The following STXBP5 variants were observed in gnomAD, a reference collection of about 807,000 sequenced individuals.
STXBP5 encodes syntaxin-binding protein 5.
STXBP5 carries 50 observed loss-of-function variants against 152.4 expected under a neutral mutation model. That is an observed-to-expected ratio of 0.33 (90% CI 0.26 to 0.42). STXBP5 has a LOEUF of 0.42. STXBP5 is among the 10% of genes least tolerant of loss of function. STXBP5 has a pLI of 1.00. For missense variants in STXBP5, 1,167 were observed against 1,388.6 expected, an observed-to-expected ratio of 0.84 and a Z score of 2.54; for synonymous variants, 492 against 494.7, an observed-to-expected ratio of 0.99 and a Z score of 0.07.
At chr6:147,315,456 T>A in intron 14 of STXBP5, 59 bp from the exon 15 acceptor site, 1 of 1,176,732 alleles carries the variant, frequency 8.5e-7, no homozygotes, top group Non-Finnish European at 1.2e-6. Context: ...TGATTAAATG[T>A]TACCTTATGT....
At chr6:147,339,154 C>T in intron 19 of STXBP5, 25 bp from the exon 20 acceptor site, 2 of 1,525,576 alleles carry the variant, frequency 1.3e-6, no homozygotes. Context: ...TCTACCTATT[C>T]CTTCCGTTGT....
At chr6:147,328,496 G>A (rs1465131194) in intron 18 of STXBP5, among the ~76,000 whole-genome samples, 2 of 152,152 alleles carry the variant, frequency 1.3e-5, no homozygotes, top group Non-Finnish European at 2.9e-5. Flanking sequence ...TACAATTCAT[G>A]GGGGGTAGAA....
At chr6:147,328,657 T>G (rs1783396512) in intron 18 of STXBP5, 1 of 466,172 alleles carries the variant, frequency 2.1e-6, no homozygotes, top group African/African-American at 2.0e-5. Context: ...TCTAGTATTT[T>G]TGTCTCCTTT....
At position 147,370,351 on chromosome 6, in the gene STXBP5, G is replaced by A. The variant is rs74569498; in HGVS notation, c.3082-3380G>A. Among the ~76,000 whole-genome samples, 1,119 of 152,094 alleles carry A rather than the reference G, an allele frequency of 7.4e-3. 14 individuals carry two copies. The highest frequency in any genetic ancestry group is 0.026 in the African/African-American group (1,059 of 41,528). On this transcript the variant is annotated intron_variant, in intron 25 of 27. Transcript: ENST00000321680. ...GGTTTCATGCATATATGCATATGGCGAAATTCACCAAATTGTACACCTCAA... is the reference window on the plus strand; with the variant it reads ...GGTTTCATGCATATATGCATATGGCAAAATTCACCAAATTGTACACCTCAA...
intron 7 of STXBP5, among the ~76,000 whole-genome samples, chr6:147,273,605 T>C (rs1340193767): frequency 6.6e-6 from 1 of 152,160 alleles, no homozygotes; most frequent in African/African-American, 2.4e-5. Context: ...TAATTTGTGC[T>C]TTGCTAGCTC....
chr6:147,350,556 T>G (rs1300190232), intron 21 of STXBP5, among the ~76,000 whole-genome samples: 3 of 152,178 alleles, frequency 2.0e-5, no homozygotes, highest in African/African-American at 7.2e-5. Context: ...ATATATTTAG[T>G]TTTTGAAATG....
intron 2 of STXBP5, among the ~76,000 whole-genome samples, chr6:147,223,936 T>TA (rs536696580): frequency 3.2e-4 from 48 of 152,308 alleles, no homozygotes; most frequent in African/African-American, 1.0e-3. Flanking sequence ...CATGAGGAAA[T>TA]ACACTGCCTT....
chr6:147,259,123 AAT>A (rs2115330271), intron 4 of STXBP5, among the ~76,000 whole-genome samples: 1 of 152,282 alleles, frequency 6.6e-6, no homozygotes, highest in Non-Finnish European at 1.5e-5. Context: ...TTTTTAAAAA[AAT>A]ATATGAGTCA....
At chr6:147,343,699 A>G (rs972584760) in intron 21 of STXBP5, among the ~76,000 whole-genome samples, 1 of 152,214 alleles carries the variant, frequency 6.6e-6, no homozygotes, top group African/African-American at 2.4e-5. Flanking sequence ...TTAAAAAATA[A>G]ATTCACAAAG....
chr6:147,227,022 T>G (rs933348459), intron 2 of STXBP5, among the ~76,000 whole-genome samples: 1 of 152,078 alleles, frequency 6.6e-6, no homozygotes, highest in African/African-American at 2.4e-5. Flanking sequence ...TGACAGCAGG[T>G]AGGGTTAGAA....
chr6:147,324,219 C>T (rs979177041), intron 16 of STXBP5, among the ~76,000 whole-genome samples: 5 of 125,814 alleles, frequency 4.0e-5, no homozygotes, highest in Admixed American at 7.9e-5. Context: ...GACAGTTTTT[C>T]GTTATGTTAC....
chr6:147,308,326 T>C (rs1782199629), intron 9 of STXBP5, among the ~76,000 whole-genome samples: 2 of 152,200 alleles, frequency 1.3e-5, no homozygotes, highest in African/African-American at 4.8e-5. Flanking sequence ...TGGATATGGT[T>C]CTATTTAGGA....
chr6:147,297,238 A>G (rs960810948), intron 9 of STXBP5, among the ~76,000 whole-genome samples: 2 of 152,208 alleles, frequency 1.3e-5, no homozygotes, highest in Admixed American at 6.5e-5. Flanking sequence ...GGGTATCTTC[A>G]TTAGATTATC....
rs1786330381 is a variant in STXBP5, at chr6:147,386,185, A to C, written c.*1430A>C. ...TTATTGATTGTTGTTAAAGCAACCC[A>C]GCAAAAGCAAAATGGAAGCATTAAA... On this transcript the variant is annotated 3_prime_UTR_variant, in exon 28 of 28. Coordinates refer to ENST00000321680, the MANE Select transcript of STXBP5 (RefSeq NM_001127715.4). The C allele has an allele frequency of 6.6e-6, 1 of 151,974 alleles. No individual in the cohort carries two copies. Among genetic ancestry groups the C allele is most frequent in the Non-Finnish European group, 1.5e-5 (1 of 67,906 alleles). The allele number at this position is 151,974 out of a possible 1,614,324, so 9.4% of individuals were successfully genotyped here. A position where few individuals can be genotyped will look rare whatever the true frequency, so the allele number is the denominator to read the frequency against.
chr6:147,303,623 G>T (rs1781939273), intron 9 of STXBP5, among the ~76,000 whole-genome samples: 1 of 152,188 alleles, frequency 6.6e-6, no homozygotes, highest in South Asian at 2.1e-4. Flanking sequence ...CAGTTTGGAG[G>T]GTTCGGAAGA....
chr6:147,250,701 G>T (rs1779042076), intron 4 of STXBP5, among the ~76,000 whole-genome samples: 1 of 151,988 alleles, frequency 6.6e-6, no homozygotes, highest in Admixed American at 6.6e-5. Context: ...CTAGGACAAA[G>T]AAATTAATAG....
chr6:147,323,074 G>A (rs140832563), intron 16 of STXBP5, among the ~76,000 whole-genome samples: 12 of 145,888 alleles, frequency 8.2e-5, no homozygotes, highest in African/African-American at 2.8e-4. Context: ...CCTTCCTTCT[G>A]TCTGATTGTA....
intron 3 of STXBP5, among the ~76,000 whole-genome samples, chr6:147,238,666 T>A (rs1226938536): frequency 6.6e-6 from 1 of 152,194 alleles, no homozygotes; most frequent in Non-Finnish European, 1.5e-5. Flanking sequence ...ATTTCAAACC[T>A]TCAGACATGG....
intron 6 of STXBP5, among the ~76,000 whole-genome samples, chr6:147,263,263 A>C (rs557912314): frequency 2.5e-4 from 38 of 151,842 alleles, no homozygotes; most frequent in Non-Finnish European, 5.6e-4. Context: ...GGAGAGTTCA[A>C]AACTTCCTTT....
Sources: allele counts gnomAD v4.1 joint callset (sites outside exome capture counted in the v4.1 genomes callset), GRCh38; gene constraint gnomAD v4.1.1; transcripts MANE v1.5; gene names NCBI Gene and HGNC (gene_info 2026-07-23, HGNC 2026-07-21).